SNAP91: variants seen among roughly 807,000 people sequenced by gnomAD.
SNAP91 encodes the protein synaptosome associated protein 91, also known as clathrin coat assembly protein AP180.
In SNAP91, 27 loss-of-function variants were observed where a neutral mutation model predicts 100.3. That is an observed-to-expected ratio of 0.27 (90% CI 0.20 to 0.37). SNAP91 has a LOEUF of 0.37. Ranked by LOEUF, SNAP91 falls within the 10% of genes least tolerant of loss-of-function variation. The pLI is 1.00. For synonymous variants in SNAP91, 404 were observed against 398.6 expected (o/e 1.01, Z -0.16); for missense variants, 986 against 1,123.7 (o/e 0.88, Z 1.75).
At chr6:83,578,786 T>C (rs1441020211) in intron 24 of SNAP91, among the ~76,000 whole-genome samples, 3 of 152,198 alleles carry the variant, frequency 2.0e-5, no homozygotes, top group South Asian at 4.1e-4. Context: ...TCTGGTGTCA[T>C]ATCTAAGAAA....
At chr6:83,701,215 GTTTGT>G in intron 2 of SNAP91, among the ~76,000 whole-genome samples, 1 of 152,212 alleles carries the variant, frequency 6.6e-6, no homozygotes, top group African/African-American at 2.4e-5. Flanking sequence ...TGTGTGGTTT[GTTTGT>G]TTTAAATGGA....
chr6:83,590,480 A>C (rs758803550), intron 22 of SNAP91, among the ~76,000 whole-genome samples: 2 of 151,862 alleles, frequency 1.3e-5, no homozygotes, highest in African/African-American at 2.4e-5. Context: ...GTACCAATCT[A>C]TTTCACACTA....
rs375944875 is a variant in SNAP91, at chr6:83,593,553, C to T, written c.1621G>A (p.Ala541Thr). Residue 541 changes from alanine (A) to threonine (T), a missense_variant, in exon 18 of 30, where the codon GCC becomes ACC. Physicochemically the swap from Ala to Thr is moderately conservative, Grantham distance 58 (BLOSUM62 0). This residue lies in a region of SNAP91 where 575 missense variants were observed against 579.9 expected (regional missense o/e 0.99). Transcript: ENST00000369694. ...AAAAATTAAT[A>T]AATTTTTTSA... is the part of the protein sequence containing the mutation. ...GTGGTGGTAGTGGTGGTGGCAGCGG[C>T]GGTGGCAGCAGTAGTGGCAGCAGCA... 9 of 1,553,718 alleles carry T rather than the reference C, an allele frequency of 5.8e-6. No homozygotes were observed. The highest frequency in any genetic ancestry group is 2.4e-5 in the South Asian group (2 of 84,730).
At chr6:83,615,355 A>T (rs1172035951) in intron 10 of SNAP91, among the ~76,000 whole-genome samples, 1 of 152,170 alleles carries the variant, frequency 6.6e-6, no homozygotes, top group Admixed American at 6.5e-5. Flanking sequence ...CAAGACAGAG[A>T]TTTTAACTTT....
At chr6:83,692,005 T>C (rs1358800418) in intron 2 of SNAP91, among the ~76,000 whole-genome samples, 1 of 152,138 alleles carries the variant, frequency 6.6e-6, no homozygotes. Flanking sequence ...GAAGGCATAA[T>C]TGCCCCATTC....
At chr6:83,701,413 C>T (rs1391161219) in intron 2 of SNAP91, among the ~76,000 whole-genome samples, 1 of 151,746 alleles carries the variant, frequency 6.6e-6, no homozygotes, top group Non-Finnish European at 1.5e-5. Flanking sequence ...GCTTCTCTCT[C>T]TCCTGAGTAG....
In SNAP91 at chr6:83,661,658, G is replaced by A. The variant is rs1306398257; in HGVS notation, c.350-54C>T. On this transcript the variant is annotated intron_variant, in intron 4 of 29. Transcript: ENST00000369694. ...TAATTAATAAAATACCTTCAACTGT[G>A]CTTTGCATAGTACTATTTTTTTTTA... 6.9e-6 allele frequency: 7 copies of A among 1,010,846 alleles called. No individual in the cohort carries two copies. In the African/African-American group the frequency reaches 9.8e-5, roughly 14 times the overall value. 62.6% of individuals were successfully genotyped at this position (1,010,846 alleles called of 1,614,324 possible).
At chr6:83,565,921 T>A (rs987627634) in intron 26 of SNAP91, among the ~76,000 whole-genome samples, 1 of 152,124 alleles carries the variant, frequency 6.6e-6, no homozygotes, top group African/African-American at 2.4e-5. Flanking sequence ...AAGTTAAACA[T>A]CGACTTACAC....
At chr6:83,573,166 CAGAG>C (rs1811492631) in intron 26 of SNAP91, among the ~76,000 whole-genome samples, 1 of 152,270 alleles carries the variant, frequency 6.6e-6, no homozygotes, top group Admixed American at 6.5e-5. Flanking sequence ...AACAGACAAA[CAGAG>C]AGCCAAATCA....
At chr6:83,573,499 T>C (rs2128057793) in intron 26 of SNAP91, among the ~76,000 whole-genome samples, 1 of 152,134 alleles carries the variant, frequency 6.6e-6, no homozygotes, top group East Asian at 1.9e-4. Flanking sequence ...GCCAAGACAA[T>C]CCTAAGCCAA....
chr6:83,690,295 T>C (rs1469006133), intron 2 of SNAP91: 9 of 1,217,312 alleles, frequency 7.4e-6, no homozygotes, highest in Non-Finnish European at 9.4e-6. Flanking sequence ...ATGTAACATA[T>C]TTCTGAAGTA....
intron 2 of SNAP91, among the ~76,000 whole-genome samples, chr6:83,694,056 G>C (rs1309843939): frequency 6.6e-6 from 1 of 152,218 alleles, no homozygotes; most frequent in African/African-American, 2.4e-5. Flanking sequence ...TATGCAGTGA[G>C]TCCACTGACA....
chr6:83,610,243 G>A (rs953882592), intron 12 of SNAP91, among the ~76,000 whole-genome samples: 2 of 151,894 alleles, frequency 1.3e-5, no homozygotes, highest in African/African-American at 4.8e-5. Context: ...AATAAAGTGT[G>A]GTATATACAT....
At chr6:83,662,479 T>G in intron 3 of SNAP91, 57 bp from the exon 4 acceptor site, 1 of 695,526 alleles carries the variant, frequency 1.4e-6, no homozygotes, top group Non-Finnish European at 2.2e-6. Context: ...TTTAAACAAT[T>G]TCTGACACTA....
intron 7 of SNAP91, among the ~76,000 whole-genome samples, chr6:83,650,705 A>G (rs1309076473): frequency 6.6e-6 from 1 of 152,220 alleles, no homozygotes; most frequent in Admixed American, 6.5e-5. Context: ...GGCATGAGCC[A>G]TTGCGCCTGG....
In SNAP91 at chr6:83,593,467, C is replaced by T; in HGVS notation, c.1696+11G>A. ...GACGGAAAGAGGTCGACAACAATAA[C>T]AAAAAATTACCACCAAAGATATCTA... On this transcript the variant is annotated intron_variant, in intron 18 of 29. Transcript: ENST00000369694. 1.3e-6 allele frequency: 2 copies of T among 1,548,876 alleles called. No homozygotes were observed. Among genetic ancestry groups the T allele is most frequent in the Non-Finnish European group, 8.7e-7 (1 of 1,144,648 alleles).
chr6:83,571,217 G>A (rs1194827886), intron 26 of SNAP91, among the ~76,000 whole-genome samples: 10 of 151,920 alleles, frequency 6.6e-5, no homozygotes, highest in Non-Finnish European at 1.3e-4. Context: ...CAATTCTCCT[G>A]CCTTAGCCTC....
chr6:83,562,368 C>T (rs924805827), intron 26 of SNAP91, among the ~76,000 whole-genome samples: 3 of 151,866 alleles, frequency 2.0e-5, no homozygotes, highest in Non-Finnish European at 4.4e-5. Flanking sequence ...GCAAGGTTGG[C>T]TTAATATATG....
intron 2 of SNAP91, among the ~76,000 whole-genome samples, chr6:83,698,677 T>C (rs1330138312): frequency 2.0e-5 from 3 of 152,216 alleles, no homozygotes; most frequent in South Asian, 2.1e-4. Context: ...TTTGTAAGCA[T>C]AGCTTTCCCC....
Sources: gnomAD v4.1 joint callset for allele counts (sites outside exome capture counted in the v4.1 genomes callset) on GRCh38, gnomAD v4.1.1 for gene constraint, gnomAD v4.1.1 regional missense constraint, MANE v1.5 for transcripts, NCBI Gene and HGNC (gene_info 2026-07-23, HGNC 2026-07-21) for gene names.